The following ANKRD11 variants were observed in gnomAD, a reference collection of about 807,000 sequenced individuals.
ANKRD11 encodes the protein ankyrin repeat domain 11.
A neutral mutation model predicts 195.7 loss-of-function variants in ANKRD11; 17 were observed. The ratio of observed to expected loss-of-function variants is 0.09; its 90% CI spans 0.06 to 0.13. ANKRD11 has a LOEUF of 0.13. ANKRD11 is among the 10% of genes least tolerant of loss of function. The pLI is 1.00. For synonymous variants in ANKRD11, 1,953 were observed against 1,528.1 expected (o/e 1.28, Z -6.49); for missense variants, 3,735 against 3,566.1 (o/e 1.05, Z -1.21).
chr16:89,461,298 A>AGT (rs1325917042), intron 1 of ANKRD11, among the ~76,000 whole-genome samples: 1 of 150,680 alleles, frequency 6.6e-6, no homozygotes, highest in African/African-American at 2.4e-5. Flanking sequence ...ATGAAGAGTT[A>AGT]GTGTTAATGG....
intron 1 of ANKRD11, among the ~76,000 whole-genome samples, chr16:89,465,240 T>C (rs1055918911): frequency 2.0e-5 from 3 of 152,208 alleles, no homozygotes; most frequent in South Asian, 2.1e-4. Flanking sequence ...CAAGTCTGCA[T>C]ATTAAAAGAG....
chr16:89,486,073 TTA>T (rs924196813), intron 1 of ANKRD11, among the ~76,000 whole-genome samples: 3 of 152,156 alleles, frequency 2.0e-5, no homozygotes, highest in African/African-American at 4.8e-5. Flanking sequence ...AACTCTCCCT[TTA>T]TGTTTCTTTA....
At chr16:89,414,045 C>T (rs925379593) in intron 2 of ANKRD11, among the ~76,000 whole-genome samples, 2 of 150,954 alleles carry the variant, frequency 1.3e-5, no homozygotes, top group Non-Finnish European at 1.5e-5. Context: ...CCCTCCGCCA[C>T]GGGCCTGCAC....
At chr16:89,449,375 A>C (rs1295308400) in intron 1 of ANKRD11, among the ~76,000 whole-genome samples, 6 of 152,070 alleles carry the variant, frequency 3.9e-5, no homozygotes, top group Non-Finnish European at 2.9e-5. Flanking sequence ...AGAAAAAAAG[A>C]AACACAGACA....
rs775327656 is a variant in ANKRD11 at position 89,282,732 on chromosome 16, G to T, written c.3810C>A (p.Ser1270=). 6.2e-7 allele frequency: 1 copy of T among 1,613,760 alleles called. No homozygotes were observed. Among genetic ancestry groups the T allele is most frequent in the South Asian group, 1.1e-5 (1 of 91,068 alleles). ...TTTTTTCCGCGTCGGCACTTCTCGA[G>T]GACTTCCTCTCCTTGGAATGTTCTT... ...SDKEHSKERK[S]SRSADAEKSL... Residue 1270 remains serine, a synonymous_variant, in exon 9 of 13, where the codon TCC becomes TCA. Coordinates refer to ENST00000301030, the MANE Select transcript of ANKRD11 (RefSeq NM_013275.6).
intron 1 of ANKRD11, among the ~76,000 whole-genome samples, chr16:89,442,768 G>T (rs1001805398): frequency 6.6e-5 from 10 of 152,050 alleles, no homozygotes; most frequent in African/African-American, 2.4e-4. Flanking sequence ...CCTGCTCCCC[G>T]GTGGCAGGAA....
chr16:89,475,746 G>A (rs990091245), intron 1 of ANKRD11, among the ~76,000 whole-genome samples: 1 of 152,066 alleles, frequency 6.6e-6, no homozygotes, highest in Non-Finnish European at 1.5e-5. Flanking sequence ...GAGGGATAAG[G>A]AACACGAAAA....
Position 89,281,278 on chromosome 16 carries a change from G to C in ANKRD11, c.5264C>G (p.Ala1755Gly), listed in dbSNP as rs977964461. 1 of 1,614,150 alleles carries C rather than the reference G, an allele frequency of 6.2e-7. No homozygotes were observed. The highest frequency in any genetic ancestry group is 1.3e-5 in the African/African-American group (1 of 74,948). Residue 1755 changes from alanine to glycine, a missense_variant, in exon 9 of 13, where the codon GCC (alanine) becomes GGC (glycine). Ala to Gly is a moderately conservative substitution (Grantham distance 60). Transcript: ENST00000301030. This position sits in a 1 kb window ranked among gnomAD's most constrained non-coding sequence, Gnocchi z 5.5. Reference sequence around the variant, plus strand: ...CCTGTCGAAAAAGGAGGGGGAGCAGGCGCTGGTGGGAGCGGTGGGCACGGG... The same window carrying C: ...CCTGTCGAAAAAGGAGGGGGAGCAGCCGCTGGTGGGAGCGGTGGGCACGGG... ...STPVPTAPTS[A>G]CSPSFFDRFS...
At chr16:89,286,437 T>C (rs1489571503) in intron 7 of ANKRD11, 10 of 616,560 alleles carry the variant, frequency 1.6e-5, no homozygotes, top group Non-Finnish European at 2.5e-5. Context: ...TGTGCTCTCC[T>C]TCAGAAGGGC....
chr16:89,470,602 T>C (rs12924621), intron 1 of ANKRD11, among the ~76,000 whole-genome samples: 20,099 of 151,866 alleles, frequency 0.13, 1,691 homozygotes, highest in Middle Eastern at 0.2. Context: ...TCCCAGCACT[T>C]TGGGAGGCAA....
chr16:89,323,224 A>C (rs3114901), intron 2 of ANKRD11: 164,746 of 1,100,424 alleles, frequency 0.15, 22,225 homozygotes, highest in East Asian at 0.57. Flanking sequence ...TGAGCGGAGG[A>C]AAAAAGAAAA....
At chr16:89,272,239 A>G (rs1206436832) in intron 11 of ANKRD11, 1 of 152,186 alleles carries the variant, frequency 6.6e-6, no homozygotes, top group African/African-American at 2.4e-5. Context: ...AAAGACAGAC[A>G]ATCACAATTG....
intron 1 of ANKRD11, chr16:89,419,960 G>C (rs1411468640): frequency 1.3e-5 from 2 of 152,244 alleles, no homozygotes; most frequent in African/African-American, 4.8e-5. Context: ...GATTGCTTGA[G>C]CCCAGAAGTT....
At chr16:89,274,728 C>T in intron 11 of ANKRD11, 86 bp downstream of exon 11, 2 of 1,586,244 alleles carry the variant, frequency 1.3e-6, no homozygotes. Context: ...AGCTCCTGGT[C>T]AAAGTGCAGA....
chr16:89,292,789 A>G (rs555170240), intron 4 of ANKRD11, among the ~76,000 whole-genome samples: 3 of 152,354 alleles, frequency 2.0e-5, no homozygotes, highest in South Asian at 4.1e-4. Flanking sequence ...CCCAGCCTAC[A>G]GCCATCATTG....
chr16:89,299,757 TGC>T, intron 4 of ANKRD11: 1 of 185,068 alleles, frequency 5.4e-6, no homozygotes, highest in Non-Finnish European at 1.0e-5. Context: ...TTGTGTGGGG[TGC>T]CTGCCCTGTG....
At chr16:89,462,674 G>A (rs1483154445) in intron 1 of ANKRD11, among the ~76,000 whole-genome samples, 2 of 151,134 alleles carry the variant, frequency 1.3e-5, no homozygotes, top group East Asian at 3.9e-4. Flanking sequence ...GAGCGTCTCT[G>A]CCCGGCCGCC....
chr16:89,407,306 A>C (rs192432987), intron 2 of ANKRD11, among the ~76,000 whole-genome samples: 1 of 152,184 alleles, frequency 6.6e-6, no homozygotes, highest in East Asian at 1.9e-4. Context: ...ACACGGGGGG[A>C]AAAAGAAAAA....
intron 2 of ANKRD11, among the ~76,000 whole-genome samples, chr16:89,375,513 G>A (rs1206459026): frequency 6.6e-6 from 1 of 151,904 alleles, no homozygotes; most frequent in Non-Finnish European, 1.5e-5. Flanking sequence ...GGGCTGGAGT[G>A]CAGTGGCACG....
Sources: gnomAD v4.1 joint callset for allele counts (sites outside exome capture counted in the v4.1 genomes callset) on GRCh38, gnomAD v4.1.1 for gene constraint, Gnocchi (gnomAD v3.1) non-coding constraint, MANE v1.5 for transcripts, NCBI Gene and HGNC (gene_info 2026-07-23, HGNC 2026-07-21) for gene names.